Variants in DNAH11 observed in about 807,000 individuals in gnomAD.
The protein encoded by DNAH11 is dynein axonemal heavy chain 11.
In DNAH11, 442 loss-of-function variants were observed where a neutral mutation model predicts 526.0. The ratio of observed to expected loss-of-function variants is 0.84; its 90% CI spans 0.78 to 0.91. The LOEUF (loss-of-function observed/expected upper bound fraction) is 0.91. Ranked by LOEUF, DNAH11 falls within the 40% of genes least tolerant of loss-of-function variation. The pLI, the probability that DNAH11 is intolerant of heterozygous loss-of-function variation, is 0.00. For missense variants in DNAH11, 6,989 were observed against 5,448.7 expected (o/e 1.28, Z -8.90); for synonymous variants, 2,461 against 1,935.9 (o/e 1.27, Z -7.12).
chr7:21,675,999 C>T (rs992292802), intron 30 of DNAH11, among the ~76,000 whole-genome samples: 4 of 152,026 alleles, frequency 2.6e-5, no homozygotes, highest in Non-Finnish European at 5.9e-5. Context: ...GAAGATGACT[C>T]CCGGAACATG....
At chr7:21,593,689 T>C (rs1296397641) in intron 14 of DNAH11, among the ~76,000 whole-genome samples, 4 of 152,082 alleles carry the variant, frequency 2.6e-5, no homozygotes, top group Non-Finnish European at 4.4e-5. Context: ...AGATGTGCAA[T>C]GCTGATGATG....
Position 21,698,061 on chromosome 7 carries a change from T to C in DNAH11, c.6042-14T>C. ...TGTCACATTTTAAAACTAAAATTCTTATTTACTTTTTAGACCCTGTGCCAT... is the reference window on the plus strand; with the variant it reads ...TGTCACATTTTAAAACTAAAATTCTCATTTACTTTTTAGACCCTGTGCCAT... On this transcript the variant is annotated splice_polypyrimidine_tract_variant and intron_variant, in intron 35 of 81. Coordinates refer to ENST00000409508, the MANE Select transcript of DNAH11 (RefSeq NM_001277115.2). The C allele has an allele frequency of 1.9e-6, 3 of 1,597,810 alleles. No homozygotes were observed. The highest frequency in any genetic ancestry group is 1.7e-4 in the Middle Eastern group (1 of 6,010).
chr7:21,567,499 T>C (rs544651145), intron 6 of DNAH11, among the ~76,000 whole-genome samples: 55 of 152,206 alleles, frequency 3.6e-4, no homozygotes, highest in Non-Finnish European at 6.2e-4. Context: ...ATTGGATAGA[T>C]CTCATTTAAA....
At chr7:21,710,506 T>A (rs1369024124) in intron 40 of DNAH11, 47 bp from the exon 41 acceptor site, 4 of 1,494,458 alleles carry the variant, frequency 2.7e-6, no homozygotes, top group South Asian at 1.3e-5. Context: ...ATGAATAATA[T>A]CAATCTATCG....
chr7:21,691,419 GCCGCTCT>G (rs1783622710), intron 35 of DNAH11, among the ~76,000 whole-genome samples: 1 of 151,560 alleles, frequency 6.6e-6, no homozygotes, highest in South Asian at 2.1e-4. Flanking sequence ...CACCCCTCCT[GCCGCTCT>G]CCTTGGGCTC....
At chr7:21,790,944 A>C (rs974309417) in intron 61 of DNAH11, among the ~76,000 whole-genome samples, 3 of 152,236 alleles carry the variant, frequency 2.0e-5, no homozygotes, top group African/African-American at 7.2e-5. Flanking sequence ...ATACAACCAA[A>C]GTGAATGGAT....
chr7:21,897,245 C>A (rs922736807), intron 79 of DNAH11, among the ~76,000 whole-genome samples: 1 of 152,126 alleles, frequency 6.6e-6, no homozygotes, highest in Non-Finnish European at 1.5e-5. Context: ...TTCAAGACTT[C>A]TCTATTTCCT....
intron 20 of DNAH11, among the ~76,000 whole-genome samples, chr7:21,614,146 T>C (rs889162347): frequency 6.6e-6 from 1 of 151,936 alleles, no homozygotes; most frequent in Non-Finnish European, 1.5e-5. Context: ...TGAAAAAGAG[T>C]TGAAGGTTGA....
intron 76 of DNAH11, among the ~76,000 whole-genome samples, chr7:21,885,003 C>G (rs1055762093): frequency 6.6e-6 from 1 of 151,526 alleles, no homozygotes; most frequent in Admixed American, 6.6e-5. Context: ...AACCATTCCA[C>G]GATGTACACG....
rs559734343 is a variant in DNAH11, at chr7:21,707,564, T to C, written c.6547-135T>C. The C allele has an allele frequency of 7.5e-5, 83 of 1,105,454 alleles. 1 individual carries two copies. The South Asian group carries it at 8.5e-4, about 11-fold the overall frequency. 68.5% of individuals were successfully genotyped at this position (1,105,454 alleles called of 1,614,324 possible). A position where few individuals can be genotyped will look rare whatever the true frequency, so the allele number is the denominator to read the frequency against. On this transcript the variant is annotated intron_variant, in intron 39 of 81. Coordinates refer to ENST00000409508, the MANE Select transcript of DNAH11 (RefSeq NM_001277115.2). ...ATGGGAATGCACACATGTGCATTTT[T>C]CCCCTTCTCGATCTTAGCACACACA...
intron 55 of DNAH11, among the ~76,000 whole-genome samples, chr7:21,767,703 C>T (rs1341159689): frequency 6.6e-6 from 1 of 152,146 alleles, no homozygotes; most frequent in East Asian, 1.9e-4. Flanking sequence ...TGCGCAGGAG[C>T]AATAATTATA....
At chr7:21,660,279 A>G (rs1052656526) in intron 30 of DNAH11, among the ~76,000 whole-genome samples, 8 of 152,058 alleles carry the variant, frequency 5.3e-5, no homozygotes, top group Non-Finnish European at 2.9e-5. Flanking sequence ...TTCATTATGC[A>G]TATAAGTAAG....
At chr7:21,579,339 T>G (rs1562675859) in intron 8 of DNAH11, among the ~76,000 whole-genome samples, 1 of 152,182 alleles carries the variant, frequency 6.6e-6, no homozygotes, top group Non-Finnish European at 1.5e-5. Context: ...ATTGGTACTG[T>G]AATTGTGAAA....
chr7:21,676,473 A>G lies in DNAH11; in HGVS notation c.5329-5073A>G, dbSNP rs141299328. 1.2e-3 allele frequency among the ~76,000 whole-genome samples: 189 copies of G among 152,346 alleles called. 2 individuals are homozygous for G. Among genetic ancestry groups the G allele is most frequent in the African/African-American group, 4.4e-3 (184 of 41,582 alleles). ...CCCAAATAATAGACATTTTATAACT[A>G]CATTATATAACTGTGGGTACAGAAT... On this transcript the variant is annotated intron_variant, in intron 30 of 81. Coordinates refer to ENST00000409508, the MANE Select transcript of DNAH11 (RefSeq NM_001277115.2).
rs145071817 is a variant in DNAH11 at position 21,732,430 on chromosome 7, C to T, written c.7441-3210C>T. On this transcript the variant is annotated intron_variant, in intron 45 of 81. Transcript: ENST00000409508. The stretch of plus-strand genomic sequence containing the variant: ...CAAATACAGTCCCATTCTGAAATAC[C>T]GGGGTTAGGGCTTCACGACATGAAT... Among the ~76,000 whole-genome samples, 366 of 152,180 alleles carry T rather than the reference C, an allele frequency of 2.4e-3. 2 individuals are homozygous for T. Among genetic ancestry groups the T allele is most frequent in the African/African-American group, 8.0e-3 (333 of 41,504 alleles).
intron 2 of DNAH11, among the ~76,000 whole-genome samples, chr7:21,547,178 G>A (rs1394136591): frequency 1.3e-5 from 2 of 152,078 alleles, no homozygotes; most frequent in African/African-American, 4.8e-5. Flanking sequence ...TGTTTTAAAC[G>A]ATATTTCTAG....
chr7:21,551,745 C>G (rs1168668195), intron 2 of DNAH11, among the ~76,000 whole-genome samples: 2 of 152,192 alleles, frequency 1.3e-5, no homozygotes, highest in Admixed American at 6.5e-5. Context: ...AAGGTTTGGT[C>G]TAACTTTTCT....
intron 76 of DNAH11, among the ~76,000 whole-genome samples, chr7:21,889,903 T>C (rs191802856): frequency 1.3e-5 from 2 of 152,294 alleles, no homozygotes; most frequent in African/African-American, 4.8e-5. Context: ...ACAGGGCTCC[T>C]TGAGTATATT....
intron 2 of DNAH11, among the ~76,000 whole-genome samples, chr7:21,550,792 T>C (rs1442830156): frequency 6.6e-6 from 1 of 152,138 alleles, no homozygotes; most frequent in Non-Finnish European, 1.5e-5. Flanking sequence ...ACATTCCCAG[T>C]GGTGGCTATG....
Sources: allele counts gnomAD v4.1 joint callset (sites outside exome capture counted in the v4.1 genomes callset), GRCh38; gene constraint gnomAD v4.1.1; transcripts MANE v1.5; gene names NCBI Gene and HGNC (gene_info 2026-07-23, HGNC 2026-07-21).